Variants in SMC1B observed in about 807,000 individuals in gnomAD.
SMC1B encodes structural maintenance of chromosomes protein 1B.
In SMC1B, 60 loss-of-function variants were observed where a neutral mutation model predicts 157.9. The observed-to-expected ratio is 0.38, with a 90% confidence interval of 0.31 to 0.47. SMC1B has a LOEUF of 0.47. Among genes scored for constraint, SMC1B ranks in the 20% least tolerant of loss-of-function variants. SMC1B has a pLI of 0.99. For synonymous variants in SMC1B, 445 were observed against 483.0 expected (o/e 0.92, Z 1.03); for missense variants, 1,165 against 1,426.2 (o/e 0.82, Z 2.95).
intron 6 of SMC1B, among the ~76,000 whole-genome samples, chr22:45,397,796 C>A (rs936153006): frequency 6.6e-6 from 1 of 152,178 alleles, no homozygotes; most frequent in South Asian, 2.1e-4. Flanking sequence ...GGGGAGAAAC[C>A]ACCTGACTTC....
chr22:45,389,734 A>C lies in SMC1B; in HGVS notation c.1709T>G (p.Phe570Cys). Reference protein sequence around the residue: ...LKEERAEPETFLALDYLDIKP... With the variant: ...LKEERAEPETCLALDYLDIKP... ...TACATCAAGGTAATCTAGAGCGAGG[A>C]ATGTCTCAGGTTCAGCTCTTTCCTC... Residue 570 changes from phenylalanine to cysteine, a missense_variant, in exon 10 of 25, where the codon TTC becomes TGC. Transcript: ENST00000357450. The C allele has an allele frequency of 6.2e-7, 1 of 1,614,004 alleles. No homozygotes were observed. The highest frequency in any genetic ancestry group is 8.5e-7 in the Non-Finnish European group (1 of 1,179,914).
intron 18 of SMC1B, 121 bp from the exon 19 acceptor site, chr22:45,358,916 T>C: frequency 1.8e-6 from 1 of 558,402 alleles, no homozygotes; most frequent in Non-Finnish European, 3.2e-6. Context: ...ATAGATCACC[T>C]TAACAGACAT....
At chr22:45,383,675 A>G (rs1426652876) in intron 11 of SMC1B, 62 bp from the exon 12 acceptor site, 3 of 1,357,768 alleles carry the variant, frequency 2.2e-6, no homozygotes, top group Non-Finnish European at 3.0e-6. Context: ...TAAAGACACA[A>G]TGTGTCAATT....
intron 10 of SMC1B, among the ~76,000 whole-genome samples, chr22:45,388,981 T>C (rs1342484225): frequency 1.4e-5 from 1 of 73,140 alleles, no homozygotes; most frequent in Non-Finnish European, 2.2e-5. Flanking sequence ...AGCAAGACTC[T>C]GCCTCAAAAA....
chr22:45,377,493 C>G (rs925247878), intron 12 of SMC1B, among the ~76,000 whole-genome samples: 48 of 151,908 alleles, frequency 3.2e-4, no homozygotes, highest in African/African-American at 1.1e-3. Flanking sequence ...AAAAAATTAG[C>G]TGGGCATGGT....
chr22:45,387,079 T>G, intron 10 of SMC1B, 33 bp from the exon 11 acceptor site: 1 of 1,517,710 alleles, frequency 6.6e-7, no homozygotes, highest in Non-Finnish European at 9.0e-7. Flanking sequence ...ACATGTTACA[T>G]ACACTGAAAT....
At chr22:45,390,031 G>A in intron 9 of SMC1B, 134 bp from the exon 10 acceptor site, 1 of 696,610 alleles carries the variant, frequency 1.4e-6, no homozygotes, top group South Asian at 2.1e-5. Context: ...AATTAATAGA[G>A]TTTTATTCAA....
chr22:45,382,118 A>G (rs937725703), intron 12 of SMC1B, among the ~76,000 whole-genome samples: 1 of 152,236 alleles, frequency 6.6e-6, no homozygotes, highest in Non-Finnish European at 1.5e-5. Context: ...CAAAAGCACT[A>G]GAAGGAAGCA....
intron 4 of SMC1B, among the ~76,000 whole-genome samples, chr22:45,403,410 T>C (rs1051957853): frequency 1.8e-4 from 27 of 152,166 alleles, no homozygotes; most frequent in African/African-American, 6.0e-4. Flanking sequence ...GGTCTATGCA[T>C]TGAGAATATA....
chr22:45,408,013 T>G (rs1266647947), intron 2 of SMC1B, among the ~76,000 whole-genome samples: 2 of 152,154 alleles, frequency 1.3e-5, no homozygotes, highest in Non-Finnish European at 2.9e-5. Flanking sequence ...CTGTCTATAA[T>G]AAAGCCAAAA....
At chr22:45,413,023 C>T (rs1030901714) in intron 1 of SMC1B, among the ~76,000 whole-genome samples, 2 of 150,996 alleles carry the variant, frequency 1.3e-5, no homozygotes, top group Non-Finnish European at 2.9e-5. Context: ...CAGGGCGGGA[C>T]CGGGGCGGAG....
At chr22:45,382,853 G>A (rs886533171) in intron 12 of SMC1B, among the ~76,000 whole-genome samples, 2 of 152,152 alleles carry the variant, frequency 1.3e-5, no homozygotes, top group African/African-American at 4.8e-5. Flanking sequence ...TGCCTATCAG[G>A]CCGGGCACAG....
At chr22:45,404,475 C>T (rs1218026002) in intron 4 of SMC1B, among the ~76,000 whole-genome samples, 1 of 152,306 alleles carries the variant, frequency 6.6e-6, no homozygotes, top group East Asian at 1.9e-4. Flanking sequence ...AGACAACCAA[C>T]TAAGAGTCCC....
intron 9 of SMC1B, among the ~76,000 whole-genome samples, chr22:45,391,289 TAATG>T (rs1569192036): frequency 6.6e-6 from 1 of 152,234 alleles, no homozygotes; most frequent in African/African-American, 2.4e-5. Flanking sequence ...TATTCAGTAA[TAATG>T]CCTATTCTTG....
In SMC1B at chr22:45,355,108, T is replaced by C; in HGVS notation, c.2969A>G (p.Gln990Arg). The C allele has an allele frequency of 1.2e-6, 2 of 1,614,122 alleles. No individual in the cohort carries two copies. The highest frequency in any genetic ancestry group is 1.7e-6 in the Non-Finnish European group (2 of 1,180,018). Residue 990 changes from glutamine to arginine, a missense_variant, in exon 20 of 25, where the codon CAG (glutamine) becomes CGG (arginine). Gln to Arg is a conservative substitution (Grantham distance 43). Coordinates refer to ENST00000357450, the MANE Select transcript of SMC1B (RefSeq NM_148674.5). The part of the protein sequence containing the change: ...SSLKEDLKAL[Q>R]SDQEIEAHLR... Reference sequence around the variant, plus strand: ...GTGGGCCTCGATTTCTTGATCAGACTGTAGAGCCTATTATGGGCAAAGAAC... The same window carrying C: ...GTGGGCCTCGATTTCTTGATCAGACCGTAGAGCCTATTATGGGCAAAGAAC...
At chr22:45,398,933 T>A (rs911358380) in intron 6 of SMC1B, among the ~76,000 whole-genome samples, 162 bp downstream of exon 6, 14 of 152,136 alleles carry the variant, frequency 9.2e-5, no homozygotes, top group African/African-American at 3.1e-4. Context: ...TAAAAATAAA[T>A]AAATCTAGTT....
At chr22:45,345,014 G>A (rs1345147998) in intron 24 of SMC1B, among the ~76,000 whole-genome samples, 4 of 152,060 alleles carry the variant, frequency 2.6e-5, no homozygotes, top group Non-Finnish European at 5.9e-5. Context: ...GCTTGAGAAA[G>A]GTGTGTTCAC....
chr22:45,375,641 C>T (rs555648793), intron 12 of SMC1B, among the ~76,000 whole-genome samples: 1 of 152,280 alleles, frequency 6.6e-6, no homozygotes, highest in African/African-American at 2.4e-5. Flanking sequence ...TAGTCTTTTA[C>T]TTAGTAGTAT....
chr22:45,407,431 T>A (rs2087274594), intron 2 of SMC1B, among the ~76,000 whole-genome samples: 1 of 152,092 alleles, frequency 6.6e-6, no homozygotes, highest in Non-Finnish European at 1.5e-5. Context: ...CTGAGATAAA[T>A]GTATATCTGA....
Sources: allele counts gnomAD v4.1 joint callset (sites outside exome capture counted in the v4.1 genomes callset), GRCh38; gene constraint gnomAD v4.1.1; transcripts MANE v1.5; gene names NCBI Gene and HGNC (gene_info 2026-07-23, HGNC 2026-07-21).